The following WWTR1 variants were observed in gnomAD, a reference collection of about 807,000 sequenced individuals.
The protein encoded by WWTR1 is WW domain-containing transcription regulator protein 1.
In WWTR1, 13 loss-of-function variants were observed where a neutral mutation model predicts 40.1. The ratio of observed to expected loss-of-function variants is 0.32; its 90% CI spans 0.21 to 0.52. The LOEUF (loss-of-function observed/expected upper bound fraction) is 0.52. Among genes scored for constraint, WWTR1 ranks in the 20% least tolerant of loss-of-function variants. WWTR1 has a pLI of 0.97. For missense variants in WWTR1, 436 were observed against 523.1 expected (o/e 0.83, Z 1.63); for synonymous variants, 230 against 210.1 (o/e 1.09, Z -0.82).
intron 2 of WWTR1, among the ~76,000 whole-genome samples, chr3:149,638,683 C>T (rs1711978249): frequency 6.6e-6 from 1 of 151,744 alleles, no homozygotes. Context: ...AAATTCAGCC[C>T]ACATGACATT....
rs1288923088 is a variant in WWTR1 at position 149,542,386 on chromosome 3, G to T, written c.720C>A (p.Ile240=). The change falls in exon 4 of 7, where the codon ATC becomes ATA. Residue 240 remains isoleucine, a synonymous_variant. Transcript: ENST00000360632. ...QQQQKLRLQR[I]QMERERIRMR... Reference sequence around the variant, plus strand: ...TTCGAATCCTTTCTCTCTCCATCTGGATTCTCTGAAGCCGCAGTTTCTGCT... The same window carrying T: ...TTCGAATCCTTTCTCTCTCCATCTGTATTCTCTGAAGCCGCAGTTTCTGCT... The T allele has an allele frequency of 1.2e-6, 2 of 1,613,934 alleles. No homozygotes were observed. Among genetic ancestry groups the T allele is most frequent in the Non-Finnish European group, 1.7e-6 (2 of 1,179,980 alleles).
At chr3:149,570,983 A>G (rs1021840286) in intron 3 of WWTR1, among the ~76,000 whole-genome samples, 1 of 152,218 alleles carries the variant, frequency 6.6e-6, no homozygotes, top group East Asian at 1.9e-4. Context: ...TAATTATAGC[A>G]TATTAATATA....
intron 6 of WWTR1, among the ~76,000 whole-genome samples, 168 bp from the exon 7 acceptor site, chr3:149,521,157 G>T (rs546198493): frequency 6.6e-6 from 1 of 152,302 alleles, no homozygotes; most frequent in African/African-American, 2.4e-5. Context: ...ATTATTTCTG[G>T]ATAGGTGTGG....
At position 149,527,887 on chromosome 3, in the gene WWTR1, G is replaced by A; in HGVS notation, c.854C>T (p.Thr285Ile). ...VQAAVNPPTM[T>I]PDMRSITNNS... The stretch of plus-strand genomic sequence containing the variant: ...ATTAGTGATGGATCTCATGTCTGGG[G>A]TCATCGTGGGTGGGTTGACAGCAGC... Residue 285 changes from threonine (T) to isoleucine (I), a missense_variant, in exon 5 of 7, where the codon ACC (threonine) becomes ATC (isoleucine). By Grantham distance (89) the Thr-to-Ile change is moderately conservative. Transcript: ENST00000360632. 1.9e-6 allele frequency: 3 copies of A among 1,614,136 alleles called. No homozygotes were observed. The highest frequency in any genetic ancestry group is 2.5e-6 in the Non-Finnish European group (3 of 1,180,010).
chr3:149,597,051 A>C (rs1739030570), intron 2 of WWTR1, among the ~76,000 whole-genome samples: 1 of 152,200 alleles, frequency 6.6e-6, no homozygotes, highest in Non-Finnish European at 1.5e-5. Context: ...CCTGAAATTA[A>C]AGTTAATAAA....
At position 149,711,179 on chromosome 3, in the gene WWTR1, A is replaced by AT. The variant is rs1491424003; in HGVS notation, n.584+6262_584+6263insA. Among the ~76,000 whole-genome samples, 13 of 149,710 alleles carry AT rather than the reference A, an allele frequency of 8.7e-5. No homozygotes were observed. The South Asian group carries it at 2.8e-3, about 32-fold the overall frequency. ...CACTTGCTAAAAAAAAAAAAAAAAA[A>AT]GGGAGGCTGGATGTGGTTGCTTGTG... On this transcript the variant is annotated intron_variant and non_coding_transcript_variant, in intron 5 of 6. Transcript: ENST00000474080.
chr3:149,595,958 G>T (rs1026590830), intron 2 of WWTR1, among the ~76,000 whole-genome samples: 2 of 151,966 alleles, frequency 1.3e-5, no homozygotes, highest in African/African-American at 4.8e-5. Context: ...GCTTGAACCC[G>T]GGAGGTGGAG....
In WWTR1 at chr3:149,520,355, TAC is replaced by T. The variant is rs1049847417; in HGVS notation, c.*448_*449del. 7 of 153,244 alleles carry T rather than the reference TAC, an allele frequency of 4.6e-5. No individual in the cohort carries two copies. Among genetic ancestry groups the T allele is most frequent in the African/African-American group, 1.7e-4 (7 of 41,486 alleles). The allele number at this position is 153,244 out of a possible 1,614,324, so 9.5% of individuals were successfully genotyped here. Reference sequence around the variant, plus strand: ...AAGCATTTGGTACTACTGTCATCAATACAGTTTTTGAAACTGTAAATCAGGTC... The same window carrying T: ...AAGCATTTGGTACTACTGTCATCAATAGTTTTTGAAACTGTAAATCAGGTC... On this transcript the variant is annotated 3_prime_UTR_variant, in exon 7 of 7. Coordinates refer to ENST00000360632, the MANE Select transcript of WWTR1 (RefSeq NM_015472.6).
chr3:149,703,564 C>T (rs1266348845), upstream of WWTR1, among the ~76,000 whole-genome samples: 1 of 152,170 alleles, frequency 6.6e-6, no homozygotes, highest in Non-Finnish European at 1.5e-5. Context: ...AATATCTCCT[C>T]CCCACCCTCA....
chr3:149,591,244 T>C (rs958792646), intron 2 of WWTR1, among the ~76,000 whole-genome samples: 3 of 152,188 alleles, frequency 2.0e-5, no homozygotes, highest in Non-Finnish European at 4.4e-5. Context: ...AGGCAACAGC[T>C]GAATATGCCA....
At chr3:149,702,791 T>C (rs1397299727) in intron 1 of WWTR1, 1 of 152,208 alleles carries the variant, frequency 6.6e-6, no homozygotes, top group African/African-American at 2.4e-5. Flanking sequence ...GTTTTGACTA[T>C]TGCTTACCAG....
rs867239453 is a variant in WWTR1, at chr3:149,568,548, A to C, written c.568+4316T>G. Among the ~76,000 whole-genome samples the C allele has an allele frequency of 8.6e-3, 1,168 of 136,096 alleles. 4 individuals carry two copies. The highest frequency in any genetic ancestry group is 0.013 in the Non-Finnish European group (803 of 61,774). 89.3% of individuals were successfully genotyped at this position (136,096 alleles called of 152,430 possible). On this transcript the variant is annotated intron_variant, in intron 3 of 6. Transcript: ENST00000360632. ...CAAAAAAAAAAAAAAAAAAAAAAAAAAAAAAAAAAAAACCATATTTTTGCA... is the reference window on the plus strand; with the variant it reads ...CAAAAAAAAAAAAAAAAAAAAAAAACAAAAAAAAAAAACCATATTTTTGCA...
At chr3:149,542,127 G>C (rs572577270) in intron 4 of WWTR1, among the ~76,000 whole-genome samples, 2 of 152,144 alleles carry the variant, frequency 1.3e-5, no homozygotes, top group Non-Finnish European at 2.9e-5. Context: ...AATACAGCTC[G>C]TCCTTGTACC....
chr3:149,694,231 A>G (rs555228149), intron 1 of WWTR1, among the ~76,000 whole-genome samples: 50 of 152,306 alleles, frequency 3.3e-4, no homozygotes, highest in African/African-American at 1.2e-3. Context: ...GTCTCTACTA[A>G]AAATACAAAA....
intron 5 of WWTR1, among the ~76,000 whole-genome samples, chr3:149,709,492 AAGGAACAGAGAACC>A (rs1263151872): frequency 6.6e-6 from 1 of 152,148 alleles, no homozygotes; most frequent in Non-Finnish European, 1.5e-5. Flanking sequence ...ATTATTTTAC[AAGGAACAGAGAACC>A]ATCCATGCTA....
At chr3:149,647,666 G>C (rs1469805310) in intron 2 of WWTR1, among the ~76,000 whole-genome samples, 2 of 152,172 alleles carry the variant, frequency 1.3e-5, no homozygotes, top group African/African-American at 4.8e-5. Context: ...AACTGTACTT[G>C]CTAAATTGAA....
At chr3:149,570,100 T>C (rs995582967) in intron 3 of WWTR1, among the ~76,000 whole-genome samples, 15 of 152,396 alleles carry the variant, frequency 9.8e-5, no homozygotes, top group African/African-American at 2.9e-4. Context: ...ATTGAGACTC[T>C]CTAAATTAAG....
intron 3 of WWTR1, among the ~76,000 whole-genome samples, chr3:149,560,812 A>G (rs1452604029): frequency 1.3e-5 from 2 of 152,190 alleles, no homozygotes; most frequent in Non-Finnish European, 2.9e-5. Flanking sequence ...AAGCAAAATA[A>G]CTTCCAACGA....
At chr3:149,638,085 G>A (rs763252399) in intron 2 of WWTR1, among the ~76,000 whole-genome samples, 1 of 152,036 alleles carries the variant, frequency 6.6e-6, no homozygotes, top group Non-Finnish European at 1.5e-5. Context: ...GCGTGGTGCT[G>A]TATGCCTGTA....
Sources: gnomAD v4.1 joint callset for allele counts (sites outside exome capture counted in the v4.1 genomes callset) on GRCh38, gnomAD v4.1.1 for gene constraint, MANE v1.5 for transcripts, NCBI Gene and HGNC (gene_info 2026-07-23, HGNC 2026-07-21) for gene names.